ZNF586: variants seen among roughly 807,000 people sequenced by gnomAD.
ZNF586 encodes zinc finger protein 586.
A neutral mutation model predicts 6.7 loss-of-function variants in ZNF586; 7 were observed. The ratio of observed to expected loss-of-function variants is 1.04; its 90% confidence interval spans 0.59 to 1.95. The LOEUF (loss-of-function observed/expected upper bound fraction) is 1.95, where lower values mean the gene tolerates loss of function less well. Ranked by LOEUF, ZNF586 falls within the 30% of genes most tolerant of loss-of-function variation. The pLI, the probability that ZNF586 is intolerant of heterozygous loss-of-function variation, is 0.00. For synonymous variants in ZNF586, 166 were observed against 168.7 expected, an observed-to-expected ratio of 0.98 and a Z score of 0.12; for missense variants, 442 against 489.6, an observed-to-expected ratio of 0.90 and a Z score of 0.92.
chr19:57,773,865 A>G (rs1987156982), intron 1 of ZNF586, among the ~76,000 whole-genome samples: 1 of 152,190 alleles, frequency 6.6e-6, no homozygotes, highest in Non-Finnish European at 1.5e-5. Context: ...GAGAGTCACT[A>G]TGCATGAGAT....
chr19:57,778,601 C>G, intron 2 of ZNF586, 150 bp from the exon 3 acceptor site: 1 of 656,600 alleles, frequency 1.5e-6, no homozygotes, highest in East Asian at 2.7e-5. Flanking sequence ...TGTGATAATG[C>G]TAAGCAGCCC....
At chr19:57,775,662 G>T (rs900398471) in intron 1 of ZNF586, among the ~76,000 whole-genome samples, 9 of 147,252 alleles carry the variant, frequency 6.1e-5, no homozygotes, top group African/African-American at 2.3e-4. Context: ...GAGTGCAGTG[G>T]TGCCATCTAG....
chr19:57,771,010 G>A (rs756987985), intron 1 of ZNF586, among the ~76,000 whole-genome samples: 15 of 152,004 alleles, frequency 9.9e-5, no homozygotes, highest in East Asian at 1.9e-4. Context: ...TAGTAGAGGT[G>A]GGGTTTCACG....
At chr19:57,772,451 C>T (rs999211440) in intron 1 of ZNF586, among the ~76,000 whole-genome samples, 1 of 151,542 alleles carries the variant, frequency 6.6e-6, no homozygotes, top group Non-Finnish European at 1.5e-5. Context: ...CTCAGTCCCA[C>T]GGGACTGTCC....
chr19:57,776,938 G>C (rs1021009556), intron 2 of ZNF586, among the ~76,000 whole-genome samples: 3 of 152,180 alleles, frequency 2.0e-5, no homozygotes, highest in African/African-American at 7.2e-5. Flanking sequence ...TCCTCTGCCT[G>C]TCTGGGTGAC....
Position 57,769,689 on chromosome 19 carries a change from A to G in ZNF586, c.-154A>G. 1 of 809,064 alleles carries G rather than the reference A, an allele frequency of 1.2e-6. No individual in the cohort carries two copies. The highest frequency in any genetic ancestry group is 1.5e-5 in the South Asian group (1 of 66,244). The allele number at this position is 809,064 out of a possible 1,614,324, so 50.1% of individuals were successfully genotyped here. A position where few individuals can be genotyped will look rare whatever the true frequency, so the allele number is the denominator to read the frequency against. ...GCAGCCATTTTGGCCTGTCAGGTCC[A>G]TCCGGCGATGCTGGGTCTGGACGAG... On this transcript the variant is annotated 5_prime_UTR_variant, in exon 1 of 3. Transcript: ENST00000396154.
At chr19:57,773,764 G>C (rs1987154942) in intron 1 of ZNF586, among the ~76,000 whole-genome samples, 1 of 152,242 alleles carries the variant, frequency 6.6e-6, no homozygotes. Flanking sequence ...TGGCCACTTT[G>C]TGGCCTCACC....
intron 1 of ZNF586, among the ~76,000 whole-genome samples, chr19:57,775,146 G>A (rs1330608330): frequency 4.0e-5 from 6 of 151,864 alleles, no homozygotes; most frequent in African/African-American, 1.5e-4. Flanking sequence ...ACAGGCACCC[G>A]CCACCACACC....
chr19:57,774,711 A>G, intron 1 of ZNF586: 2 of 981,836 alleles, frequency 2.0e-6, no homozygotes, highest in South Asian at 9.4e-5. Flanking sequence ...TACCATTGCT[A>G]TTGAGAAACA....
Position 57,779,679 on chromosome 19 carries a change from G to C in ZNF586, c.1092G>C (p.Leu364Phe), listed in dbSNP as rs1417437324. Residue 364 changes from leucine to phenylalanine, a missense_variant, in exon 3 of 3, where the codon TTG becomes TTC. Coordinates refer to ENST00000396154, the MANE Select transcript of ZNF586 (RefSeq NM_017652.4). Reference sequence around the variant, plus strand: ...AAAACTCCAGCCTTATTAAACACTTGAGAGTTCACACTGGAGAAAGGCCAT... The same window carrying C: ...AAAACTCCAGCCTTATTAAACACTTCAGAGTTCACACTGGAGAAAGGCCAT... Reference protein sequence around the residue: ...FAENSSLIKHLRVHTGERPYE... With the variant: ...FAENSSLIKHFRVHTGERPYE... 6.2e-7 allele frequency: 1 copy of C among 1,614,162 alleles called. No individual in the cohort carries two copies. Among genetic ancestry groups the C allele is most frequent in the Admixed American group, 1.7e-5 (1 of 60,014 alleles).
chr19:57,775,274 C>T (rs1263434891), intron 1 of ZNF586, among the ~76,000 whole-genome samples: 1 of 152,106 alleles, frequency 6.6e-6, no homozygotes, highest in Non-Finnish European at 1.5e-5. Flanking sequence ...GGATTATAGG[C>T]GTGGGCGTGA....
intron 1 of ZNF586, among the ~76,000 whole-genome samples, chr19:57,771,183 C>T (rs1432526554): frequency 6.6e-6 from 1 of 151,910 alleles, no homozygotes; most frequent in Non-Finnish European, 1.5e-5. Flanking sequence ...CACCTGTAGT[C>T]CCAACTACTT....
At chr19:57,775,833 C>T (rs556773872) in intron 1 of ZNF586, among the ~76,000 whole-genome samples, 2 of 152,246 alleles carry the variant, frequency 1.3e-5, no homozygotes, top group Non-Finnish European at 2.9e-5. Context: ...AACTCCTGAC[C>T]TCAGGTGATC....
Position 57,777,907 on chromosome 19 carries a change from C to G in ZNF586, c.164-844C>G, listed in dbSNP as rs912765254. On this transcript the variant is annotated intron_variant, in intron 2 of 2. Transcript: ENST00000396154. ...AGTAGCTAGGATTACAGGGGCCCAC[C>G]ACCACGCCCGGCTAATTTTTGGGGT... Among the ~76,000 whole-genome samples the G allele has an allele frequency of 1.3e-4, 19 of 150,654 alleles. No individual in the cohort carries two copies. The Admixed American group carries it at 1.3e-3, about 10-fold the overall frequency.
At chr19:57,777,730 G>A (rs1462034332) in intron 2 of ZNF586, among the ~76,000 whole-genome samples, 2 of 143,182 alleles carry the variant, frequency 1.4e-5, no homozygotes, top group African/African-American at 2.6e-5. Flanking sequence ...TTTGTATTAC[G>A]AAGTATATAC....
rs1245301604 is a variant in ZNF586, at chr19:57,776,682, T to C, written c.163+13T>C. On this transcript the variant is annotated intron_variant, in intron 2 of 2. Coordinates refer to ENST00000396154, the MANE Select transcript of ZNF586 (RefSeq NM_017652.4). Reference sequence around the variant, plus strand: ...ATATCCTCCCTGGGTAAGGTACTCATATTCACCTGTGACCTGAGTTAGTCT... The same window carrying C: ...ATATCCTCCCTGGGTAAGGTACTCACATTCACCTGTGACCTGAGTTAGTCT... The C allele has an allele frequency of 1.9e-6, 3 of 1,589,562 alleles. No homozygotes were observed. The highest frequency in any genetic ancestry group is 2.6e-6 in the Non-Finnish European group (3 of 1,168,402).
chr19:57,776,654 C>T lies in ZNF586; in HGVS notation c.148C>T (p.Leu50Phe), dbSNP rs767394795. The T allele has an allele frequency of 3.1e-6, 5 of 1,606,078 alleles. No homozygotes were observed. In the Admixed American group the frequency reaches 5.2e-5, roughly 17 times the overall value. The change falls in exon 2 of 3, where the codon CTT (leucine) becomes TTT (phenylalanine). Residue 50 changes from leucine to phenylalanine, a missense_variant. Transcript: ENST00000396154. The stretch of plus-strand genomic sequence containing the variant: ...TGACGTGATGCTGGAGACCTTGACA[C>T]TTATATCCTCCCTGGGTAAGGTACT... ...YRDVMLETLT[L>F]ISSLGCWHGG...
At position 57,779,548 on chromosome 19, in the gene ZNF586, C is replaced by T; in HGVS notation, c.961C>T (p.Gln321Ter). The change falls in exon 3 of 3, where the codon CAG becomes TAG. Residue 321 changes from glutamine (Q) to a stop codon, truncating the protein, a stop_gained. Coordinates refer to ENST00000396154, the MANE Select transcript of ZNF586 (RefSeq NM_017652.4). LOFTEE classifies it low-confidence loss of function (END_TRUNC). ...TACTGGAGAAAGGCATGAGTGCGGGCAGTGTGGGAAATCCTTTAGCCGAAA... is the reference window on the plus strand; with the variant it reads ...TACTGGAGAAAGGCATGAGTGCGGGTAGTGTGGGAAATCCTTTAGCCGAAA... ...VHTGERHECG[Q>*]CGKSFSRKSS... is the part of the protein sequence containing the mutation. The T allele has an allele frequency of 6.2e-7, 1 of 1,612,520 alleles. No individual in the cohort carries two copies. The highest frequency in any genetic ancestry group is 8.5e-7 in the Non-Finnish European group (1 of 1,179,688).
Position 57,779,718 on chromosome 19 carries a change from T to C in ZNF586, c.1131T>C (p.Asp377=), listed in dbSNP as rs1987339603. The C allele has an allele frequency of 4.3e-6, 7 of 1,613,596 alleles. No individual in the cohort carries two copies. The South Asian group carries it at 7.7e-5, about 18-fold the overall frequency. The change falls in exon 3 of 3, where the codon GAT becomes GAC. Residue 377 remains aspartate (D), a synonymous_variant. Coordinates refer to ENST00000396154, the MANE Select transcript of ZNF586 (RefSeq NM_017652.4). The stretch of plus-strand genomic sequence containing the variant: ...GAGAAAGGCCATATGAATGCATTGA[T>C]TGTGGAAAATCATTTCGCCACAGTT... ...HTGERPYECI[D]CGKSFRHSSS...
Sources: gnomAD v4.1 joint callset for allele counts (sites outside exome capture counted in the v4.1 genomes callset) on GRCh38, gnomAD v4.1.1 for gene constraint, MANE v1.5 for transcripts, NCBI Gene and HGNC (gene_info 2026-07-23, HGNC 2026-07-21) for gene names.